The following PRR16 variants were observed in gnomAD, a reference collection of about 807,000 sequenced individuals.
The protein encoded by PRR16 is proline rich 16, also known as protein Largen.
Under a neutral mutation model 18.2 loss-of-function variants are expected in PRR16, and 6 were observed. The observed-to-expected ratio is 0.33, with a 90% CI of 0.18 to 0.65. The LOEUF is 0.65. PRR16 is among the 30% of genes least tolerant of loss of function. PRR16 has a pLI of 0.74. For missense variants in PRR16, 412 were observed against 376.6 expected, an observed-to-expected ratio of 1.09 and a Z score of -0.78; for synonymous variants, 151 against 147.8, an observed-to-expected ratio of 1.02 and a Z score of -0.16.
intron 1 of PRR16, among the ~76,000 whole-genome samples, chr5:120,657,531 A>C (rs1756024463): frequency 6.6e-6 from 1 of 151,946 alleles, no homozygotes. Context: ...TTAGACATTT[A>C]ACAGAATGCT....
intron 1 of PRR16, among the ~76,000 whole-genome samples, chr5:120,675,239 A>ATGGAGAGC (rs1383273685): frequency 1.3e-5 from 2 of 152,192 alleles, no homozygotes; most frequent in African/African-American, 4.8e-5. Flanking sequence ...AATGAAAAAA[A>ATGGAGAGC]TGGAGAGCTT....
At chr5:120,783,212 AATC>A in the PRR16 span, among the ~76,000 whole-genome samples, 20 of 152,338 alleles carry the variant, frequency 1.3e-4, no homozygotes, top group Admixed American at 2.0e-4. Context: ...ACATTACAAT[AATC>A]ATTTTCAATG....
At chr5:120,651,426 T>A (rs1755785543) in intron 1 of PRR16, among the ~76,000 whole-genome samples, 1 of 152,204 alleles carries the variant, frequency 6.6e-6, no homozygotes, top group East Asian at 1.9e-4. Flanking sequence ...TGAATGGTAT[T>A]GCCTAGGTTT....
chr5:120,531,140 T>TA (rs1168059596), intron 1 of PRR16, among the ~76,000 whole-genome samples: 1 of 152,210 alleles, frequency 6.6e-6, no homozygotes, highest in Non-Finnish European at 1.5e-5. Context: ...AAACTCAGAT[T>TA]ACAAGTTGTC....
intron 1 of PRR16, among the ~76,000 whole-genome samples, chr5:120,654,770 A>G (rs1755909049): frequency 6.6e-6 from 1 of 151,972 alleles, no homozygotes; most frequent in South Asian, 2.1e-4. Flanking sequence ...TATTATGACC[A>G]TGTTTAAAAC....
chr5:120,528,355 C>G (rs1267520917), intron 1 of PRR16, among the ~76,000 whole-genome samples: 1 of 152,086 alleles, frequency 6.6e-6, no homozygotes, highest in African/African-American at 2.4e-5. Flanking sequence ...TTACGAAGAC[C>G]TGCATTTCAG....
At chr5:120,619,490 T>C (rs1754618761) in intron 1 of PRR16, among the ~76,000 whole-genome samples, 1 of 152,140 alleles carries the variant, frequency 6.6e-6, no homozygotes, top group Non-Finnish European at 1.5e-5. Flanking sequence ...TTACTATTGA[T>C]TTCAATCACA....
At chr5:120,521,768 C>G (rs956276375) in intron 1 of PRR16, among the ~76,000 whole-genome samples, 1 of 152,046 alleles carries the variant, frequency 6.6e-6, no homozygotes. Context: ...GTGTGCTGCA[C>G]CCATTAACTC....
intron 1 of PRR16, among the ~76,000 whole-genome samples, chr5:120,661,839 A>G (rs962696316): frequency 4.6e-5 from 7 of 152,108 alleles, no homozygotes; most frequent in African/African-American, 1.4e-4. Context: ...ACACATTTCA[A>G]GGACTCGTAG....
chr5:120,664,694 G>C (rs948158366), intron 1 of PRR16, among the ~76,000 whole-genome samples: 1 of 151,856 alleles, frequency 6.6e-6, no homozygotes, highest in Non-Finnish European at 1.5e-5. Flanking sequence ...GTCTATGAGT[G>C]AGAACATGCA....
chr5:120,685,688 G>T (rs1444802383), intron 1 of PRR16, among the ~76,000 whole-genome samples: 1 of 151,932 alleles, frequency 6.6e-6, no homozygotes. Context: ...TTATGGGTGG[G>T]TATATCAGAG....
At chr5:120,507,540 T>C (rs1459871073) in intron 1 of PRR16, among the ~76,000 whole-genome samples, 1 of 152,098 alleles carries the variant, frequency 6.6e-6, no homozygotes, top group Non-Finnish European at 1.5e-5. Context: ...TCAGGATTAA[T>C]AGTAAGGAGA....
the PRR16 span, among the ~76,000 whole-genome samples, chr5:120,730,955 T>C: frequency 0.99 from 150,281 of 152,222 alleles, 74,209 homozygotes; most frequent in East Asian, 1. Context: ...GTTCATATGG[T>C]CATTAGAGTT....
the PRR16 span, among the ~76,000 whole-genome samples, chr5:120,761,188 T>C: frequency 1.3e-5 from 2 of 152,242 alleles, no homozygotes; most frequent in South Asian, 4.1e-4. Flanking sequence ...CTATTTTAAT[T>C]AATCTCTATG....
the PRR16 span, chr5:120,781,551 A>G: frequency 2.0e-5 from 3 of 152,190 alleles, no homozygotes; most frequent in African/African-American, 7.2e-5. Context: ...CTCTCACATA[A>G]GGATTTTATG....
At chr5:120,674,633 G>C (rs569431750) in intron 1 of PRR16, among the ~76,000 whole-genome samples, 22 of 151,934 alleles carry the variant, frequency 1.4e-4, no homozygotes, top group Non-Finnish European at 2.5e-4. Context: ...TCAGCACTCA[G>C]TTGGCCCTTT....
intron 1 of PRR16, among the ~76,000 whole-genome samples, chr5:120,477,405 C>A (rs564619981): frequency 6.6e-6 from 1 of 152,166 alleles, no homozygotes; most frequent in South Asian, 2.1e-4. Flanking sequence ...ACCTGGGAGT[C>A]TTTATTAATT....
the PRR16 span, among the ~76,000 whole-genome samples, chr5:120,717,362 T>A: frequency 6.6e-6 from 1 of 152,204 alleles, no homozygotes; most frequent in Non-Finnish European, 1.5e-5. Flanking sequence ...TTAGTTCTGA[T>A]CTAGTCATTG....
At chr5:120,626,517 T>C (rs1754870918) in intron 1 of PRR16, among the ~76,000 whole-genome samples, 2 of 152,156 alleles carry the variant, frequency 1.3e-5, no homozygotes, top group African/African-American at 4.8e-5. Flanking sequence ...GTCCTAAAGC[T>C]GGATTGTTGC....
Sources: allele counts gnomAD v4.1 joint callset (sites outside exome capture counted in the v4.1 genomes callset), GRCh38; gene constraint gnomAD v4.1.1; transcripts MANE v1.5; gene names NCBI Gene and HGNC (gene_info 2026-07-23, HGNC 2026-07-21).